The following PRMT9 variants were observed in gnomAD, a reference collection of about 807,000 sequenced individuals.
PRMT9 encodes the protein protein arginine N-methyltransferase 9.
A neutral mutation model predicts 83.2 loss-of-function variants in PRMT9; 59 were observed. The observed-to-expected ratio is 0.71, with a 90% confidence interval of 0.57 to 0.88. The LOEUF (loss-of-function observed/expected upper bound fraction) is 0.88, where lower values mean the gene tolerates loss of function less well. Ranked by LOEUF, PRMT9 falls within the 40% of genes least tolerant of loss-of-function variation. The pLI is 0.00. For synonymous variants in PRMT9, 333 were observed against 353.2 expected (o/e 0.94, Z 0.64); for missense variants, 947 against 1,021.9 (o/e 0.93, Z 1.00).
chr4:147,674,461 A>G (rs938255200), intron 2 of PRMT9, among the ~76,000 whole-genome samples: 1 of 152,240 alleles, frequency 6.6e-6, no homozygotes, highest in Non-Finnish European at 1.5e-5. Flanking sequence ...AAAATTAAGT[A>G]CTATTTAATT....
chr4:147,642,685 AC>A lies in PRMT9; in HGVS notation c.2199+101del, dbSNP rs1733481961. 22 of 1,019,114 alleles carry A rather than the reference AC, an allele frequency of 2.2e-5. No homozygotes were observed. The South Asian group carries it at 2.8e-4, about 13-fold the overall frequency. The allele number at this position is 1,019,114 out of a possible 1,614,324, so 63.1% of individuals were successfully genotyped here. On this transcript the variant is annotated intron_variant, in intron 10 of 11. Coordinates refer to ENST00000322396, the MANE Select transcript of PRMT9 (RefSeq NM_138364.4). ...AAGTCACTGTGATTAATCCAGCTAA[AC>A]TTTAGTCACTGTGTTTAGCTAGATT...
At chr4:147,653,679 C>T (rs1380628275) in intron 9 of PRMT9, among the ~76,000 whole-genome samples, 173 bp downstream of exon 9, 1 of 151,968 alleles carries the variant, frequency 6.6e-6, no homozygotes, top group Admixed American at 6.6e-5. Flanking sequence ...CTGGCCAAAC[C>T]AGCGATGATT....
At chr4:147,667,550 A>C (rs908536072) in intron 6 of PRMT9, among the ~76,000 whole-genome samples, 4 of 152,180 alleles carry the variant, frequency 2.6e-5, no homozygotes, top group African/African-American at 4.8e-5. Flanking sequence ...CCAATCTCTA[A>C]ACATTTTTAC....
intron 9 of PRMT9, among the ~76,000 whole-genome samples, chr4:147,650,772 T>C (rs1734039287): frequency 6.6e-6 from 1 of 152,188 alleles, no homozygotes; most frequent in South Asian, 2.1e-4. Flanking sequence ...GGTATGGTAC[T>C]GGTATAAAGA....
At chr4:147,654,639 C>G (rs1222902110) in intron 8 of PRMT9, 73 bp from the exon 9 acceptor site, 19 of 915,000 alleles carry the variant, frequency 2.1e-5, no homozygotes, top group Non-Finnish European at 3.4e-5. Context: ...ACATCTCCAT[C>G]CTCCATCTAG....
At chr4:147,640,216 G>A (rs1045468059) in intron 10 of PRMT9, among the ~76,000 whole-genome samples, 2 of 151,582 alleles carry the variant, frequency 1.3e-5, no homozygotes, top group African/African-American at 2.4e-5. Flanking sequence ...AGGACTACAG[G>A]TGCCCACCAC....
Position 147,639,009 on chromosome 4 carries a change from C to CT in PRMT9, c.2272dup (p.Arg758LysfsTer13). 1 of 1,612,448 alleles carries CT rather than the reference C, an allele frequency of 6.2e-7. No individual in the cohort carries two copies. The highest frequency in any genetic ancestry group is 8.5e-7 in the Non-Finnish European group (1 of 1,178,672). On this transcript the variant is annotated frameshift_variant, in exon 11 of 12. Transcript: ENST00000322396. LOFTEE classifies it high-confidence loss of function. Reference sequence around the variant, plus strand: ...CAAATACGGAGTCATTAAATCTAGTCTTAAGAGTTCCACTGGCTTGCTTAA... The same window carrying CT: ...CAAATACGGAGTCATTAAATCTAGTCTTTAAGAGTTCCACTGGCTTGCTTAA...
intron 9 of PRMT9, among the ~76,000 whole-genome samples, chr4:147,647,907 G>A (rs1322379289): frequency 6.6e-6 from 1 of 152,104 alleles, no homozygotes; most frequent in Non-Finnish European, 1.5e-5. Context: ...ACAAATCAAG[G>A]GTTCCCACAA....
chr4:147,661,167 C>T (rs774890478), intron 6 of PRMT9, 129 bp from the exon 7 acceptor site: 8 of 662,478 alleles, frequency 1.2e-5, no homozygotes, highest in Non-Finnish European at 2.2e-5. Flanking sequence ...ATTTCTTAAA[C>T]ATAACTACAT....
Position 147,639,041 on chromosome 4 carries a change from A to T in PRMT9, c.2241T>A (p.Cys747Ter), listed in dbSNP as rs1296335180. Residue 747 changes from cysteine to a stop codon, truncating the protein, a stop_gained, in exon 11 of 12, where the codon TGT becomes TGA. Coordinates refer to ENST00000322396, the MANE Select transcript of PRMT9 (RefSeq NM_138364.4). LOFTEE classifies it high-confidence loss of function. ...RVFLDLSSLP[C>*]IPLSKPVELL... ...GTTCCACTGGCTTGCTTAAAGGTAT[A>T]CAGGGCAATGAGGATAGGTCCAAAA... The T allele has an allele frequency of 6.2e-7, 1 of 1,613,124 alleles. No homozygotes were observed. The highest frequency in any genetic ancestry group is 8.5e-7 in the Non-Finnish European group (1 of 1,179,308).
chr4:147,646,684 G>A (rs1200657611), intron 9 of PRMT9, among the ~76,000 whole-genome samples: 1 of 151,876 alleles, frequency 6.6e-6, no homozygotes, highest in Non-Finnish European at 1.5e-5. Context: ...GGGGTGCAGG[G>A]AGGAGGTTCC....
chr4:147,639,021 A>G lies in PRMT9; in HGVS notation c.2261T>C (p.Val754Ala), dbSNP rs756590512. The G allele has an allele frequency of 2.8e-5, 45 of 1,612,324 alleles. 1 individual carries two copies. In the Middle Eastern group the frequency reaches 4.9e-4, roughly 18 times the overall value. Residue 754 changes from valine to alanine, a missense_variant, in exon 11 of 12, where the codon GTG becomes GCG. Coordinates refer to ENST00000322396, the MANE Select transcript of PRMT9 (RefSeq NM_138364.4). ...CATTAAATCTAGTCTTAAGAGTTCC[A>G]CTGGCTTGCTTAAAGGTATACAGGG... ...SLPCIPLSKP[V>A]ELLRLDLMTP... is the part of the protein sequence containing the mutation.
In PRMT9 at chr4:147,654,174, C is replaced by G. The variant is rs1415017824; in HGVS notation, c.1723G>C (p.Val575Leu). The G allele has an allele frequency of 6.2e-7, 1 of 1,614,184 alleles. No individual in the cohort carries two copies. Among genetic ancestry groups the G allele is most frequent in the Non-Finnish European group, 8.5e-7 (1 of 1,180,030 alleles). ...TAGAAAGGTTCAAGGATGTTCTGTA[C>G]AGTATTACTCTGTCCAGTTCCAGAG... ...MSSGTGQSNT[V>L]QNILEPFYVL... is the part of the protein sequence containing the mutation. Residue 575 changes from valine to leucine, a missense_variant, in exon 9 of 12, where the codon GTA becomes CTA. Coordinates refer to ENST00000322396, the MANE Select transcript of PRMT9 (RefSeq NM_138364.4).
intron 10 of PRMT9, among the ~76,000 whole-genome samples, chr4:147,639,445 G>A (rs1254521653): frequency 1.3e-5 from 2 of 152,144 alleles, no homozygotes; most frequent in South Asian, 4.1e-4. Flanking sequence ...TGAAATAATG[G>A]TACAACACTA....
intron 10 of PRMT9, among the ~76,000 whole-genome samples, chr4:147,640,504 C>A (rs1167969460): frequency 3.3e-5 from 5 of 152,156 alleles, no homozygotes; most frequent in African/African-American, 1.2e-4. Flanking sequence ...AGTCTTATGG[C>A]CTTAAATACC....
chr4:147,680,445 T>C lies in PRMT9; in HGVS notation c.216A>G (p.Arg72=), dbSNP rs1234236193. 5.6e-6 allele frequency: 9 copies of C among 1,613,990 alleles called. No homozygotes were observed. Among genetic ancestry groups the C allele is most frequent in the South Asian group, 2.2e-5 (2 of 91,062 alleles). The change falls in exon 2 of 12, where the codon AGA becomes AGG. Residue 72 remains arginine (R), a synonymous_variant. Coordinates refer to ENST00000322396, the MANE Select transcript of PRMT9 (RefSeq NM_138364.4). ...TGAGAGCATCAAGCTCTTCAGCCCA[T>C]CTGAAAAGTGTGTACTGAAAAGTTT... ...VKETFQYTLF[R]WAEELDALSR...
chr4:147,649,060 C>A (rs137952970), intron 9 of PRMT9, among the ~76,000 whole-genome samples: 1 of 151,976 alleles, frequency 6.6e-6, no homozygotes, highest in Admixed American at 6.6e-5. Context: ...AAAAAAATAA[C>A]GTTGTAACTC....
intron 8 of PRMT9, among the ~76,000 whole-genome samples, chr4:147,657,058 G>T (rs1426289032): frequency 6.6e-6 from 1 of 151,810 alleles, no homozygotes; most frequent in African/African-American, 2.4e-5. Flanking sequence ...TCAGATTCAT[G>T]AACTCTCTAA....
At chr4:147,675,537 A>T (rs1736012909) in intron 2 of PRMT9, among the ~76,000 whole-genome samples, 1 of 152,142 alleles carries the variant, frequency 6.6e-6, no homozygotes, top group Non-Finnish European at 1.5e-5. Context: ...TGTAATCATT[A>T]TTTTTTGTGA....
Sources: allele counts gnomAD v4.1 joint callset (sites outside exome capture counted in the v4.1 genomes callset), GRCh38; gene constraint gnomAD v4.1.1; transcripts MANE v1.5; gene names NCBI Gene and HGNC (gene_info 2026-07-23, HGNC 2026-07-21).